The following GALNTL6 variants were observed in gnomAD, a reference collection of about 807,000 sequenced individuals.
GALNTL6 encodes polypeptide N-acetylgalactosaminyltransferase-like 6.
A neutral mutation model predicts 73.7 loss-of-function variants in GALNTL6; 46 were observed. The ratio of observed to expected loss-of-function variants is 0.62; its 90% CI spans 0.49 to 0.80. GALNTL6 has a LOEUF of 0.80. Among genes scored for constraint, GALNTL6 ranks in the 30% least tolerant of loss-of-function variants. The pLI is 0.00. For missense variants in GALNTL6, 604 were observed against 755.0 expected, an observed-to-expected ratio of 0.80 and a Z score of 2.34; for synonymous variants, 259 against 263.7, an observed-to-expected ratio of 0.98 and a Z score of 0.17.
intron 5 of GALNTL6, among the ~76,000 whole-genome samples, chr4:172,676,980 C>A (rs1296376386): frequency 6.6e-6 from 1 of 152,162 alleles, no homozygotes; most frequent in Non-Finnish European, 1.5e-5. Flanking sequence ...CTTCAGAGTT[C>A]AACTAAAGAC....
intron 2 of GALNTL6, among the ~76,000 whole-genome samples, chr4:172,197,921 A>G (rs1735824471): frequency 6.6e-6 from 1 of 152,160 alleles, no homozygotes; most frequent in Non-Finnish European, 1.5e-5. Flanking sequence ...CATCCTGGCT[A>G]ACACGGTGAA....
chr4:172,941,649 GAGCCTCATAA>G (rs1209731651), intron 9 of GALNTL6, among the ~76,000 whole-genome samples: 3 of 152,146 alleles, frequency 2.0e-5, no homozygotes, highest in Non-Finnish European at 4.4e-5. Flanking sequence ...AATTCCACTA[GAGCCTCATAA>G]AGGAGAATGC....
Position 172,671,045 on chromosome 4 carries a change from T to C in GALNTL6, c.554-138316T>C, listed in dbSNP as rs116689859. Among the ~76,000 whole-genome samples, 812 of 152,346 alleles carry C rather than the reference T, an allele frequency of 5.3e-3. 1 individual carries two copies. The highest frequency in any genetic ancestry group is 9.3e-3 in the Non-Finnish European group (633 of 68,028). ...TGTACCAATACCATGTGGTTTTGGT[T>C]ACTGCAACCCTGTAGTATGGTTTGA... On this transcript the variant is annotated intron_variant, in intron 5 of 12. Transcript: ENST00000506823.
intron 9 of GALNTL6, among the ~76,000 whole-genome samples, chr4:172,949,630 C>A (rs114670003): frequency 1.3e-5 from 2 of 151,816 alleles, no homozygotes; most frequent in Non-Finnish European, 2.9e-5. Flanking sequence ...TTTGGCCTAG[C>A]GGGGTGCGCT....
chr4:172,651,830 CA>C, intron 5 of GALNTL6, among the ~76,000 whole-genome samples: 1 of 152,178 alleles, frequency 6.6e-6, no homozygotes, highest in Middle Eastern at 3.4e-3. Flanking sequence ...TGAATAGAGG[CA>C]GGGAAAACAA....
chr4:172,349,002 A>C (rs1741849363), intron 5 of GALNTL6, among the ~76,000 whole-genome samples: 1 of 152,214 alleles, frequency 6.6e-6, no homozygotes, highest in Non-Finnish European at 1.5e-5. Flanking sequence ...TTGTAAGTAC[A>C]TATGAATGGT....
In GALNTL6 at chr4:172,033,078, G is replaced by T. The variant is rs913461875; in HGVS notation, c.139-196578G>T. ...AAGTTAACATTTCTCTAGTAAAAAAGTTGCTTCAGTCCCCCTATTACTGTC... is the reference window on the plus strand; with the variant it reads ...AAGTTAACATTTCTCTAGTAAAAAATTTGCTTCAGTCCCCCTATTACTGTC... On this transcript the variant is annotated intron_variant, in intron 2 of 12. Transcript: ENST00000506823. Among the ~76,000 whole-genome samples, 4 of 151,850 alleles carry T rather than the reference G, an allele frequency of 2.6e-5. No individual in the cohort carries two copies. The South Asian group carries it at 6.2e-4, about 24-fold the overall frequency.
At chr4:172,277,296 T>G (rs1472173308) in intron 3 of GALNTL6, among the ~76,000 whole-genome samples, 7 of 152,062 alleles carry the variant, frequency 4.6e-5, no homozygotes, top group African/African-American at 1.7e-4. Flanking sequence ...AGTGGGAGTT[T>G]CTATGACATC....
chr4:172,195,451 G>A (rs1200622769), intron 2 of GALNTL6, among the ~76,000 whole-genome samples: 1 of 152,078 alleles, frequency 6.6e-6, no homozygotes, highest in African/African-American at 2.4e-5. Context: ...GATATCTACA[G>A]AACTCTCCAC....
intron 2 of GALNTL6, among the ~76,000 whole-genome samples, chr4:171,901,510 C>T (rs950688622): frequency 3.9e-5 from 6 of 152,098 alleles, no homozygotes; most frequent in Non-Finnish European, 8.8e-5. Context: ...CCTCCTCCCC[C>T]ACTCCCCTTC....
chr4:172,034,026 C>T (rs1013578013), intron 2 of GALNTL6, among the ~76,000 whole-genome samples: 6 of 152,084 alleles, frequency 3.9e-5, no homozygotes, highest in African/African-American at 9.7e-5. Context: ...CTCAGCATAA[C>T]CTTATACTAC....
At chr4:172,690,848 T>C (rs1206092472) in intron 5 of GALNTL6, among the ~76,000 whole-genome samples, 1 of 152,234 alleles carries the variant, frequency 6.6e-6, no homozygotes, top group Non-Finnish European at 1.5e-5. Flanking sequence ...GAATCATTGA[T>C]GTTTATTATA....
intron 5 of GALNTL6, among the ~76,000 whole-genome samples, chr4:172,788,500 G>A (rs974877435): frequency 6.6e-6 from 1 of 151,692 alleles, no homozygotes; most frequent in Non-Finnish European, 1.5e-5. Flanking sequence ...GTAAAACCCC[G>A]TCTCTACTAA....
chr4:172,224,713 C>T (rs13113450), intron 2 of GALNTL6, among the ~76,000 whole-genome samples: 2,190 of 152,220 alleles, frequency 0.014, 57 homozygotes, highest in African/African-American at 0.05. Context: ...ACTCTGGTTT[C>T]CATGTCCCTG....
At chr4:172,209,302 T>C (rs1012131544) in intron 2 of GALNTL6, among the ~76,000 whole-genome samples, 1 of 152,050 alleles carries the variant, frequency 6.6e-6, no homozygotes. Context: ...ATATAGGTGG[T>C]ATATATGGTC....
intron 9 of GALNTL6, among the ~76,000 whole-genome samples, chr4:172,943,700 C>T (rs1177682671): frequency 6.6e-6 from 1 of 152,108 alleles, no homozygotes; most frequent in Non-Finnish European, 1.5e-5. Flanking sequence ...GAAAAAAATG[C>T]AAATCATACA....
intron 2 of GALNTL6, among the ~76,000 whole-genome samples, chr4:172,127,349 G>C (rs1349831918): frequency 2.0e-5 from 3 of 152,238 alleles, no homozygotes; most frequent in Admixed American, 1.3e-4. Context: ...TGGGGCCCAA[G>C]GTTGGGCCCA....
At chr4:172,292,209 T>G (rs2111102274) in intron 3 of GALNTL6, among the ~76,000 whole-genome samples, 1 of 152,192 alleles carries the variant, frequency 6.6e-6, no homozygotes, top group African/African-American at 2.4e-5. Flanking sequence ...AAATATGATT[T>G]TGAAGAGATC....
chr4:172,785,124 T>C (rs538900227), intron 5 of GALNTL6, among the ~76,000 whole-genome samples: 2 of 152,242 alleles, frequency 1.3e-5, no homozygotes, highest in African/African-American at 4.8e-5. Flanking sequence ...GTTATATCCT[T>C]CTTAACTATA....
Sources: gnomAD v4.1 joint callset for allele counts (sites outside exome capture counted in the v4.1 genomes callset) on GRCh38, gnomAD v4.1.1 for gene constraint, MANE v1.5 for transcripts, NCBI Gene and HGNC (gene_info 2026-07-23, HGNC 2026-07-21) for gene names.